Variants in ST18 observed in about 807,000 individuals in gnomAD.
ST18 encodes suppression of tumorigenicity 18 protein.
ST18 carries 50 observed loss-of-function variants against 110.0 expected under a neutral mutation model. That is an observed-to-expected ratio of 0.45 (90% CI 0.36 to 0.58). The LOEUF (loss-of-function observed/expected upper bound fraction) is 0.58. ST18 is among the 20% of genes least tolerant of loss of function. The probability of loss-of-function intolerance (pLI) is 0.00; values close to 1 mark genes in which losing one functional copy is unlikely to be tolerated. For synonymous variants in ST18, 461 were observed against 452.4 expected, an observed-to-expected ratio of 1.02 and a Z score of -0.24; for missense variants, 1,306 against 1,280.1, an observed-to-expected ratio of 1.02 and a Z score of -0.31.
chr8:52,393,774 T>C (rs530776747), intron 2 of ST18: 3 of 151,820 alleles, frequency 2.0e-5, no homozygotes, highest in South Asian at 2.1e-4. Flanking sequence ...TCCCAGCCAC[T>C]TGGGAGGCTG....
At chr8:52,250,445 C>CAAAAAAAAAAAA (rs1159770176) in intron 2 of ST18, among the ~76,000 whole-genome samples, 7 of 4,280 alleles carry the variant, frequency 1.6e-3, no homozygotes, top group Non-Finnish European at 2.1e-3. Flanking sequence ...GCCTCAAAGG[C>CAAAAAAAAAAAA]AAAAAAAAAA....
intron 23 of ST18, among the ~76,000 whole-genome samples, chr8:52,123,417 TG>T (rs1483486241): frequency 6.6e-6 from 1 of 152,200 alleles, no homozygotes; most frequent in East Asian, 1.9e-4. Flanking sequence ...ACAATTATTG[TG>T]GCCACACTTT....
At chr8:52,212,385 C>G (rs2082506899) in intron 7 of ST18, among the ~76,000 whole-genome samples, 1 of 152,160 alleles carries the variant, frequency 6.6e-6, no homozygotes, top group African/African-American at 2.4e-5. Flanking sequence ...TGAAAATTCA[C>G]AGGAGCACAA....
rs573600395 is a variant in ST18 at position 52,132,302 on chromosome 8, G to T, written c.2445-123C>A. The T allele has an allele frequency of 2.1e-5, 17 of 805,142 alleles. No individual in the cohort carries two copies. The African/African-American group carries it at 2.4e-4, about 11-fold the overall frequency. The allele number at this position is 805,142 out of a possible 1,614,324, so 49.9% of individuals were successfully genotyped here. On this transcript the variant is annotated intron_variant, in intron 21 of 25. Transcript: ENST00000689386. ...AGATGCCACCATAACTAGCAAAACA[G>T]CATTGCATAAACAGGCTCAGAGCTA...
At chr8:52,352,823 G>A (rs1821002095) in intron 2 of ST18, among the ~76,000 whole-genome samples, 1 of 152,216 alleles carries the variant, frequency 6.6e-6, no homozygotes, top group South Asian at 2.1e-4. Flanking sequence ...GTTACCTGCT[G>A]AGTTACCACC....
intron 15 of ST18, among the ~76,000 whole-genome samples, chr8:52,151,490 G>A (rs1587045632): frequency 6.6e-6 from 1 of 152,096 alleles, no homozygotes; most frequent in Non-Finnish European, 1.5e-5. Flanking sequence ...GCTTATCCGG[G>A]ATAATAACTT....
chr8:52,331,159 G>A (rs1024849324), intron 2 of ST18, among the ~76,000 whole-genome samples: 33 of 152,230 alleles, frequency 2.2e-4, no homozygotes, highest in African/African-American at 7.7e-4. Flanking sequence ...GCCATCTAAG[G>A]AGCCACACCT....
At chr8:52,388,538 G>T (rs183186437) in intron 2 of ST18, among the ~76,000 whole-genome samples, 1 of 152,208 alleles carries the variant, frequency 6.6e-6, no homozygotes, top group Admixed American at 6.5e-5. Context: ...AAGGTGCTAC[G>T]AATAAAGTGT....
intron 2 of ST18, among the ~76,000 whole-genome samples, chr8:52,338,706 G>A (rs1250218655): frequency 2.0e-5 from 3 of 151,944 alleles, no homozygotes; most frequent in South Asian, 2.1e-4. Context: ...TTACAGGTGT[G>A]AGCCATCACA....
chr8:52,271,373 G>A (rs548006454), intron 2 of ST18, among the ~76,000 whole-genome samples: 4 of 152,256 alleles, frequency 2.6e-5, no homozygotes, highest in East Asian at 1.9e-4. Context: ...TGAATCCATA[G>A]TGGTGTTGAA....
chr8:52,345,559 A>G (rs1465214315), intron 2 of ST18, among the ~76,000 whole-genome samples: 1 of 152,208 alleles, frequency 6.6e-6, no homozygotes, highest in East Asian at 1.9e-4. Context: ...GGATGGTGTA[A>G]GCAGAAGTAA....
chr8:52,360,021 T>C (rs764899722), intron 2 of ST18, among the ~76,000 whole-genome samples: 2 of 152,180 alleles, frequency 1.3e-5, no homozygotes, highest in Non-Finnish European at 2.9e-5. Context: ...AAACTTCTTA[T>C]TGGAAGCACT....
Position 52,244,156 on chromosome 8 carries a change from A to G in ST18, c.-464-14079T>C, listed in dbSNP as rs115109280. 1.8e-3 allele frequency among the ~76,000 whole-genome samples: 274 copies of G among 152,290 alleles called. 1 individual carries two copies. The highest frequency in any genetic ancestry group is 6.3e-3 in the African/African-American group (261 of 41,562). On this transcript the variant is annotated intron_variant, in intron 2 of 25. Coordinates refer to ENST00000689386, the MANE Select transcript of ST18 (RefSeq NM_001352837.2). ...ATGTTTACAGTGGCAAAGACGGGCC[A>G]TGGTGAGACTGAATGGGAAACCTGG...
chr8:52,131,877 T>C, intron 22 of ST18, 81 bp downstream of exon 22: 1 of 1,365,802 alleles, frequency 7.3e-7, no homozygotes, highest in South Asian at 1.3e-5. Context: ...TTTAGGGGGT[T>C]GTTCACAACC....
intron 2 of ST18, chr8:52,403,975 G>T (rs1843627902): frequency 6.6e-6 from 1 of 152,144 alleles, no homozygotes; most frequent in South Asian, 2.1e-4. Context: ...TCTAACATTT[G>T]ATGTAAATCT....
At chr8:52,291,972 A>C (rs1224949453) in intron 2 of ST18, among the ~76,000 whole-genome samples, 3 of 152,004 alleles carry the variant, frequency 2.0e-5, no homozygotes, top group African/African-American at 7.2e-5. Context: ...ACGGGGTTTC[A>C]CCATGTTGCC....
intron 8 of ST18, among the ~76,000 whole-genome samples, chr8:52,183,460 G>C (rs576675930): frequency 6.6e-6 from 1 of 152,238 alleles, no homozygotes; most frequent in African/African-American, 2.4e-5. Flanking sequence ...GGATATGTAA[G>C]GTTTTTATCA....
At chr8:52,118,483 T>G (rs773238548) in intron 23 of ST18, 42 bp from the exon 24 acceptor site, 1 of 1,202,082 alleles carries the variant, frequency 8.3e-7, no homozygotes, top group South Asian at 1.4e-5. Flanking sequence ...TGAAAACTGT[T>G]AACAAATGAG....
At chr8:52,305,784 C>T (rs2095802547) in intron 2 of ST18, among the ~76,000 whole-genome samples, 1 of 152,220 alleles carries the variant, frequency 6.6e-6, no homozygotes, top group Admixed American at 6.5e-5. Flanking sequence ...TGCCCATCTA[C>T]CACCATGGTG....
Sources: gnomAD v4.1 joint callset for allele counts (sites outside exome capture counted in the v4.1 genomes callset) on GRCh38, gnomAD v4.1.1 for gene constraint, MANE v1.5 for transcripts, NCBI Gene and HGNC (gene_info 2026-07-23, HGNC 2026-07-21) for gene names.